The following CTNND2 variants were observed in gnomAD, a reference collection of about 807,000 sequenced individuals.
CTNND2 encodes catenin delta 2, also known as catenin delta-2.
In CTNND2, 22 loss-of-function variants were observed where a neutral mutation model predicts 144.4. That is an observed-to-expected ratio of 0.15 (90% CI 0.11 to 0.22). The LOEUF is 0.22. Among genes scored for constraint, CTNND2 ranks in the 10% least tolerant of loss-of-function variants. The probability of loss-of-function intolerance (pLI) is 1.00; values close to 1 mark genes in which losing one functional copy is unlikely to be tolerated. For missense variants in CTNND2, 1,353 were observed against 1,618.8 expected (o/e 0.84, Z 2.82); for synonymous variants, 751 against 695.6 (o/e 1.08, Z -1.25).
At chr5:11,727,967 T>C (rs1787112873) in intron 2 of CTNND2, among the ~76,000 whole-genome samples, 1 of 152,218 alleles carries the variant, frequency 6.6e-6, no homozygotes, top group African/African-American at 2.4e-5. Context: ...TTCTTCCAAA[T>C]AGTATTCTTG....
intron 2 of CTNND2, among the ~76,000 whole-genome samples, chr5:11,700,403 AAAC>A (rs1339246707): frequency 6.6e-6 from 1 of 152,172 alleles, no homozygotes; most frequent in Non-Finnish European, 1.5e-5. Context: ...ACAAACAAAC[AAAC>A]AACAACAAAC....
intron 2 of CTNND2, among the ~76,000 whole-genome samples, chr5:11,726,212 T>G (rs1387302143): frequency 2.0e-5 from 3 of 152,108 alleles, no homozygotes; most frequent in African/African-American, 4.8e-5. Context: ...CAATCTAAGA[T>G]CAACAAAGGT....
chr5:11,551,384 A>G (rs1229361581), intron 3 of CTNND2, among the ~76,000 whole-genome samples: 2 of 150,270 alleles, frequency 1.3e-5, no homozygotes, highest in Non-Finnish European at 3.0e-5. Flanking sequence ...TTTTCACAGC[A>G]GCAACATATT....
At chr5:11,712,673 TC>T (rs1786096231) in intron 2 of CTNND2, among the ~76,000 whole-genome samples, 1 of 152,202 alleles carries the variant, frequency 6.6e-6, no homozygotes, top group African/African-American at 2.4e-5. Flanking sequence ...ATAATATTTT[TC>T]TAAATTCGTG....
rs553400362 is a variant in CTNND2, at chr5:11,351,563, G to T, written c.1373-4936C>A. Among the ~76,000 whole-genome samples, 17 of 152,256 alleles carry T rather than the reference G, an allele frequency of 1.1e-4. No homozygotes were observed. In the South Asian group the frequency reaches 3.5e-3, roughly 32 times the overall value. On this transcript the variant is annotated intron_variant, in intron 8 of 21. Coordinates refer to ENST00000304623, the MANE Select transcript of CTNND2 (RefSeq NM_001332.4). Reference sequence around the variant, plus strand: ...GTATTTGTTTGAAAAAGGGGAAGAGGCATCCTTTTTAATAAAGTGAAATAT... The same window carrying T: ...GTATTTGTTTGAAAAAGGGGAAGAGTCATCCTTTTTAATAAAGTGAAATAT...
chr5:11,053,842 C>T (rs1157617764), intron 16 of CTNND2, among the ~76,000 whole-genome samples: 3 of 152,150 alleles, frequency 2.0e-5, no homozygotes, highest in Non-Finnish European at 4.4e-5. Flanking sequence ...TCTTTAGTGG[C>T]GACACTGCTT....
At chr5:11,840,981 C>T (rs1344006504) in intron 1 of CTNND2, among the ~76,000 whole-genome samples, 1 of 152,096 alleles carries the variant, frequency 6.6e-6, no homozygotes, top group East Asian at 1.9e-4. Flanking sequence ...AACTTTATGG[C>T]AAACACCATG....
intron 2 of CTNND2, among the ~76,000 whole-genome samples, chr5:11,651,936 T>A (rs1446992915): frequency 6.6e-6 from 1 of 152,202 alleles, no homozygotes; most frequent in African/African-American, 2.4e-5. Flanking sequence ...TAGTCTCAGA[T>A]GCGACTTTGG....
At chr5:11,881,458 GTAAC>G (rs1736105385) in intron 1 of CTNND2, among the ~76,000 whole-genome samples, 1 of 151,734 alleles carries the variant, frequency 6.6e-6, no homozygotes, top group African/African-American at 2.4e-5. Flanking sequence ...TCATCCTCTG[GTAAC>G]CACTATTCTA....
At chr5:11,685,312 C>A (rs1262926628) in intron 2 of CTNND2, among the ~76,000 whole-genome samples, 1 of 152,260 alleles carries the variant, frequency 6.6e-6, no homozygotes. Context: ...TGTCCAATGT[C>A]TTTAAAAATG....
intron 21 of CTNND2, among the ~76,000 whole-genome samples, chr5:10,975,861 G>C (rs1384336902): frequency 6.6e-6 from 1 of 152,084 alleles, no homozygotes; most frequent in Non-Finnish European, 1.5e-5. Flanking sequence ...TCATTTTTTT[G>C]GTTCTTTTGC....
intron 11 of CTNND2, among the ~76,000 whole-genome samples, chr5:11,171,605 G>A (rs112617543): frequency 3.5e-4 from 54 of 152,244 alleles, no homozygotes; most frequent in Middle Eastern, 3.4e-3. Context: ...TAAGGAATAC[G>A]CAGTAAATTA....
chr5:11,697,217 T>C (rs945275636), intron 2 of CTNND2, among the ~76,000 whole-genome samples: 1 of 152,224 alleles, frequency 6.6e-6, no homozygotes, highest in Non-Finnish European at 1.5e-5. Flanking sequence ...CAGAGGTTGT[T>C]GGAAAGTGTG....
intron 5 of CTNND2, among the ~76,000 whole-genome samples, chr5:11,405,730 T>C (rs1392610315): frequency 6.6e-6 from 1 of 152,178 alleles, no homozygotes; most frequent in African/African-American, 2.4e-5. Context: ...CACCTTCTAT[T>C]TTTGCTACTG....
At chr5:11,626,430 C>T (rs1781158276) in intron 2 of CTNND2, among the ~76,000 whole-genome samples, 1 of 152,180 alleles carries the variant, frequency 6.6e-6, no homozygotes, top group African/African-American at 2.4e-5. Flanking sequence ...GAAAGATTTG[C>T]ATAATTCATT....
chr5:11,226,016 G>A (rs544209586), intron 10 of CTNND2, among the ~76,000 whole-genome samples: 96 of 152,252 alleles, frequency 6.3e-4, no homozygotes, highest in African/African-American at 2.0e-3. Flanking sequence ...GAGTACTGGC[G>A]GCCACCAGCA....
chr5:11,320,813 G>C (rs929304426), intron 9 of CTNND2, among the ~76,000 whole-genome samples: 1 of 152,062 alleles, frequency 6.6e-6, no homozygotes, highest in African/African-American at 2.4e-5. Context: ...GATTTAGGTG[G>C]GGACACAAAG....
chr5:11,309,788 C>T (rs1005097853), intron 9 of CTNND2, among the ~76,000 whole-genome samples: 2 of 152,170 alleles, frequency 1.3e-5, no homozygotes, highest in Non-Finnish European at 2.9e-5. Context: ...TTGTAATTCA[C>T]AGTGTTGGAG....
chr5:11,116,495 G>A (rs531573347), intron 13 of CTNND2, among the ~76,000 whole-genome samples: 32 of 152,310 alleles, frequency 2.1e-4, no homozygotes, highest in African/African-American at 7.5e-4. Flanking sequence ...TAAAGTTTGT[G>A]TTTATAACAG....
Sources: gnomAD v4.1 joint callset for allele counts (sites outside exome capture counted in the v4.1 genomes callset) on GRCh38, gnomAD v4.1.1 for gene constraint, MANE v1.5 for transcripts, NCBI Gene and HGNC (gene_info 2026-07-23, HGNC 2026-07-21) for gene names.